The following LMBRD2 variants were observed in gnomAD, a reference collection of about 807,000 sequenced individuals.
LMBRD2 encodes the protein LMBR1 domain containing 2.
A neutral mutation model predicts 94.4 loss-of-function variants in LMBRD2; 55 were observed. That is an observed-to-expected ratio of 0.58 (90% CI 0.47 to 0.73). LMBRD2 has a LOEUF of 0.73. LMBRD2 is among the 30% of genes least tolerant of loss of function. The pLI is 0.00. For missense variants in LMBRD2, 640 were observed against 831.9 expected, an observed-to-expected ratio of 0.77 and a Z score of 2.84; for synonymous variants, 246 against 272.4, an observed-to-expected ratio of 0.90 and a Z score of 0.95.
chr5:36,138,165 GGAGA>G (rs1744315538), intron 4 of LMBRD2, among the ~76,000 whole-genome samples: 1 of 152,156 alleles, frequency 6.6e-6, no homozygotes, highest in African/African-American at 2.4e-5. Context: ...AAGTTAAAGT[GGAGA>G]GAGAGAATCA....
chr5:36,141,326 T>C, intron 3 of LMBRD2, 124 bp from the exon 4 acceptor site: 1 of 506,612 alleles, frequency 2.0e-6, no homozygotes, highest in African/African-American at 2.0e-5. Context: ...TAATAATCAA[T>C]AACCCATAAA....
chr5:36,109,797 T>A (rs904091016), intron 15 of LMBRD2, 148 bp downstream of exon 15: 1 of 625,402 alleles, frequency 1.6e-6, no homozygotes, highest in Non-Finnish European at 2.8e-6. Flanking sequence ...CCTGAAAGTA[T>A]TAAAATTCCC....
intron 6 of LMBRD2, among the ~76,000 whole-genome samples, chr5:36,128,683 C>T (rs551624989): frequency 2.5e-4 from 38 of 152,140 alleles, no homozygotes; most frequent in African/African-American, 9.2e-4. Context: ...CAAAATCATG[C>T]CACTGCACTC....
intron 6 of LMBRD2, among the ~76,000 whole-genome samples, chr5:36,130,489 C>A (rs897456213): frequency 1.3e-5 from 2 of 151,644 alleles, no homozygotes; most frequent in African/African-American, 4.8e-5. Context: ...ATCACCTTCA[C>A]AAAAAGGAAG....
At chr5:36,145,509 G>A (rs534543285) in intron 1 of LMBRD2, among the ~76,000 whole-genome samples, 51 of 152,328 alleles carry the variant, frequency 3.3e-4, no homozygotes, top group African/African-American at 1.1e-3. Context: ...ACAGGCATGC[G>A]CCACAGCGCC....
Position 36,105,149 on chromosome 5 carries a change from A to T in LMBRD2, c.1946T>A (p.Ile649Lys). 6.2e-7 allele frequency: 1 copy of T among 1,612,820 alleles called. No individual in the cohort carries two copies. The highest frequency in any genetic ancestry group is 8.5e-7 in the Non-Finnish European group (1 of 1,179,080). Residue 649 changes from isoleucine to lysine, a missense_variant, in exon 17 of 18, where the codon ATA (isoleucine) becomes AAA (lysine). Around this residue, in one of 2 missense-constraint regions of LMBRD2, gnomAD observed 183 missense variants for 189.1 expected, o/e 0.97. Coordinates refer to ENST00000296603, the MANE Select transcript of LMBRD2 (RefSeq NM_001007527.2). ...AGGTTCTGCATCTTGGAGAAGTTCTATCCGGTCCCTTTCAGTCCTGTTATT... is the reference window on the plus strand; with the variant it reads ...AGGTTCTGCATCTTGGAGAAGTTCTTTCCGGTCCCTTTCAGTCCTGTTATT... ...RANNRTERDRIELLQDAEPLD... is the reference protein window; with the variant it reads ...RANNRTERDRKELLQDAEPLD...
Position 36,142,581 on chromosome 5 carries a change from T to C in LMBRD2, c.193A>G (p.Lys65Glu). 1 of 1,607,952 alleles carries C rather than the reference T, an allele frequency of 6.2e-7. No homozygotes were observed. Among genetic ancestry groups the C allele is most frequent in the Middle Eastern group, 1.7e-4 (1 of 6,056 alleles). The change falls in exon 3 of 18, where the codon AAG becomes GAG. Residue 65 changes from lysine to glutamate, a missense_variant. Coordinates refer to ENST00000296603, the MANE Select transcript of LMBRD2 (RefSeq NM_001007527.2). Reference protein sequence around the residue: ...DVSTTIYNRCKHAAANSSPPE... With the variant: ...DVSTTIYNRCEHAAANSSPPE... ...GGGCTTGAATTTGCAGCAGCATGCTTGCACCGGTTGTATATTGTCTAAAGC... is the reference window on the plus strand; with the variant it reads ...GGGCTTGAATTTGCAGCAGCATGCTCGCACCGGTTGTATATTGTCTAAAGC...
At chr5:36,140,388 C>T (rs1040613715) in intron 4 of LMBRD2, among the ~76,000 whole-genome samples, 2 of 152,210 alleles carry the variant, frequency 1.3e-5, no homozygotes, top group Admixed American at 6.5e-5. Context: ...TGCAACCTGC[C>T]AGGCTGAGTA....
At position 36,151,137 on chromosome 5, in the gene LMBRD2, C is replaced by G. The variant is rs1744696057; in HGVS notation, c.-58+419G>C. 1.3e-5 allele frequency among the ~76,000 whole-genome samples: 2 copies of G among 152,212 alleles called. No individual in the cohort carries two copies. Among genetic ancestry groups the G allele is most frequent in the African/African-American group, 2.4e-5 (1 of 41,444 alleles). ...CTTACTGCCCCCAAACTCTTCTCAG[C>G]AGAGATAGGCTGAAAGCAGCTCGCT... On this transcript the variant is annotated intron_variant, in intron 1 of 17. Transcript: ENST00000296603. This position sits in a 1 kb window ranked among gnomAD's most constrained non-coding sequence, Gnocchi z 4.7.
chr5:36,131,538 G>A (rs966848381), intron 6 of LMBRD2, among the ~76,000 whole-genome samples: 2 of 152,072 alleles, frequency 1.3e-5, no homozygotes, highest in African/African-American at 4.8e-5. Flanking sequence ...AAAGAAAGAA[G>A]TCAAATTATC....
At chr5:36,117,295 T>C (rs547714851) in intron 10 of LMBRD2, among the ~76,000 whole-genome samples, 4 of 152,020 alleles carry the variant, frequency 2.6e-5, no homozygotes, top group Non-Finnish European at 5.9e-5. Context: ...CTGGGCAACA[T>C]GGCAAAATCC....
chr5:36,151,718 CCGATCTCGCCAGA>C lies in LMBRD2; in HGVS notation c.-233_-221del, dbSNP rs1744719859. On this transcript the variant is annotated 5_prime_UTR_variant, in exon 1 of 18. Transcript: ENST00000296603. This position sits in a 1 kb window ranked among gnomAD's most constrained non-coding sequence, Gnocchi z 4.7. ...ACGCGTTCCGCCTTAGGCTCACCGTCCGATCTCGCCAGACAGCGTCTGGACGGGACCGGGAAAC... is the reference window on the plus strand; with the variant it reads ...ACGCGTTCCGCCTTAGGCTCACCGTCCAGCGTCTGGACGGGACCGGGAAAC... The C allele has an allele frequency of 6.1e-6, 1 of 163,908 alleles. No homozygotes were observed. The highest frequency in any genetic ancestry group is 1.4e-5 in the Non-Finnish European group (1 of 73,794). The allele number at this position is 163,908 out of a possible 1,614,324, so 10.2% of individuals were successfully genotyped here.
At chr5:36,124,672 G>A (rs1214989972) in intron 6 of LMBRD2, among the ~76,000 whole-genome samples, 1 of 152,158 alleles carries the variant, frequency 6.6e-6, no homozygotes, top group Non-Finnish European at 1.5e-5. Flanking sequence ...GGCTACAAAT[G>A]TCACAAAGTG....
chr5:36,104,978 T>C, intron 17 of LMBRD2, 90 bp downstream of exon 17: 1 of 1,258,586 alleles, frequency 7.9e-7, no homozygotes, highest in East Asian at 2.4e-5. Flanking sequence ...TACTTTCACC[T>C]TTACTTACTT....
chr5:36,134,318 CATTCATTT>C (rs893553220), intron 6 of LMBRD2, among the ~76,000 whole-genome samples: 2 of 152,066 alleles, frequency 1.3e-5, no homozygotes, highest in Non-Finnish European at 2.9e-5. Context: ...TCACAGTATA[CATTCATTT>C]ATTCATTTAT....
intron 1 of LMBRD2, among the ~76,000 whole-genome samples, chr5:36,146,974 G>C (rs1204607994): frequency 6.7e-6 from 1 of 150,278 alleles, no homozygotes; most frequent in African/African-American, 2.5e-5. Context: ...GTGTGTGTGT[G>C]TGTGTGTCTG....
At position 36,143,882 on chromosome 5, in the gene LMBRD2, A is replaced by G. The variant is rs1370386294; in HGVS notation, c.-57-476T>C. Among the ~76,000 whole-genome samples, 5 of 151,950 alleles carry G rather than the reference A, an allele frequency of 3.3e-5. No homozygotes were observed. In the East Asian group the frequency reaches 9.7e-4, roughly 29 times the overall value. On this transcript the variant is annotated intron_variant, in intron 1 of 17. Transcript: ENST00000296603. ...CTAAAAGAGAGGAAGGAAAAAACGG[A>G]AAGAGACCATTTAAAAGTAACCTTT...
intron 14 of LMBRD2, 104 bp from the exon 15 acceptor site, chr5:36,110,095 T>TA (rs925545197): frequency 1.2e-6 from 1 of 848,086 alleles, no homozygotes; most frequent in Non-Finnish European, 1.9e-6. Context: ...TCTTTTAAAT[T>TA]ATCACAAAAT....
chr5:36,150,840 C>T (rs150101074), intron 1 of LMBRD2, among the ~76,000 whole-genome samples: 103 of 152,290 alleles, frequency 6.8e-4, no homozygotes, highest in African/African-American at 2.5e-3. Context: ...TTGAAACAAG[C>T]ATATACCTGC....
Sources: gnomAD v4.1 joint callset for allele counts (sites outside exome capture counted in the v4.1 genomes callset) on GRCh38, gnomAD v4.1.1 for gene constraint, gnomAD v4.1.1 regional missense constraint, Gnocchi (gnomAD v3.1) non-coding constraint, MANE v1.5 for transcripts, NCBI Gene and HGNC (gene_info 2026-07-23, HGNC 2026-07-21) for gene names.